SKA3: variants seen among roughly 807,000 people sequenced by gnomAD.
The protein encoded by SKA3 is spindle and kinetochore associated complex subunit 3.
In SKA3, 39 loss-of-function variants were observed where a neutral mutation model predicts 44.2. The ratio of observed to expected loss-of-function variants is 0.88; its 90% confidence interval spans 0.68 to 1.15. The LOEUF (loss-of-function observed/expected upper bound fraction) is 1.15, where lower values mean the gene tolerates loss of function less well. Ranked by LOEUF, SKA3 falls within the 50% of genes most tolerant of loss-of-function variation. SKA3 has a pLI of 0.00. For missense variants in SKA3, 511 were observed against 485.8 expected, an observed-to-expected ratio of 1.05 and a Z score of -0.49; for synonymous variants, 192 against 172.0, an observed-to-expected ratio of 1.12 and a Z score of -0.91.
At chr13:21,169,669 G>C (rs1361513958) in intron 3 of SKA3, among the ~76,000 whole-genome samples, 2 of 152,050 alleles carry the variant, frequency 1.3e-5, no homozygotes, top group East Asian at 3.9e-4. Flanking sequence ...ACCTACAACT[G>C]TCTTGGTAAA....
In SKA3 at chr13:21,155,735, T is replaced by C. The variant is rs1870076758; in HGVS notation, c.1196A>G (p.Lys399Arg). The C allele has an allele frequency of 2.5e-6, 4 of 1,612,412 alleles. No individual in the cohort carries two copies. The highest frequency in any genetic ancestry group is 3.4e-6 in the Non-Finnish European group (4 of 1,178,572). ...GACATCTCGGATGTTCTGTCCATGTTTAAGGAACCTTTTACTGGGTGGCAC... is the reference window on the plus strand; with the variant it reads ...GACATCTCGGATGTTCTGTCCATGTCTAAGGAACCTTTTACTGGGTGGCAC... ...KAVPPSKRFL[K>R]HGQNIRDVSN... Residue 399 changes from lysine (K) to arginine (R), a missense_variant, in exon 8 of 9, where the codon AAA becomes AGA. By Grantham distance (26) the Lys-to-Arg change is conservative. Transcript: ENST00000314759.
intron 4 of SKA3, among the ~76,000 whole-genome samples, chr13:21,164,718 T>TATGTTCCAGTCTTATGTTCCA (rs1870614709): frequency 6.6e-6 from 1 of 152,160 alleles, no homozygotes; most frequent in African/African-American, 2.4e-5. Context: ...TTTTGCCCTT[T>TATGTTCCAGTCTTATGTTCCA]ATATGCTTCA....
rs757013924 is a variant in SKA3, at chr13:21,172,459, C to G, written c.211G>C (p.Glu71Gln). ...GTTGCCTTTATGAAATCAATGCCTT[C>G]TTGATTTTCCAATCTTGCTTTATCA... ...LLDKARLENQEGIDFIKATKV... is the reference protein window; with the variant it reads ...LLDKARLENQQGIDFIKATKV... Residue 71 changes from glutamate to glutamine, a missense_variant, in exon 3 of 9, where the codon GAA becomes CAA. Transcript: ENST00000314759. The G allele has an allele frequency of 3.1e-6, 5 of 1,589,838 alleles. No individual in the cohort carries two copies. Among genetic ancestry groups the G allele is most frequent in the African/African-American group, 2.7e-5 (2 of 73,420 alleles).
At chr13:21,157,424 A>G (rs1870171223) in intron 7 of SKA3, among the ~76,000 whole-genome samples, 1 of 152,246 alleles carries the variant, frequency 6.6e-6, no homozygotes, top group African/African-American at 2.4e-5. Flanking sequence ...TGTCCTGAAT[A>G]GTGCAGGCAC....
chr13:21,165,403 CAG>C (rs1453520958), intron 4 of SKA3, among the ~76,000 whole-genome samples: 15 of 151,886 alleles, frequency 9.9e-5, no homozygotes, highest in South Asian at 6.2e-4. Flanking sequence ...ACCTGGGTGA[CAG>C]ACTAAGAACC....
At chr13:21,175,493 G>A (rs2137389091) in intron 1 of SKA3, among the ~76,000 whole-genome samples, 1 of 150,022 alleles carries the variant, frequency 6.7e-6, no homozygotes, top group East Asian at 2.0e-4. Context: ...AGCCAGAATG[G>A]TCTCGATCTC....
In SKA3 at chr13:21,168,323, A is replaced by G. The variant is rs146268985; in HGVS notation, c.408T>C (p.Asp136=). 264 of 1,613,992 alleles carry G rather than the reference A, an allele frequency of 1.6e-4. No individual in the cohort carries two copies. Among genetic ancestry groups the G allele is most frequent in the Non-Finnish European group, 1.8e-4 (215 of 1,179,952 alleles). ...TTGCAACAGGAGGATCAGACAGATC[A>G]TCTTTCACATCAGTCTTCTGAAAAT... ...CENFQKTDVK[D]DLSDPPVASS... is the part of the protein sequence containing the mutation. The change falls in exon 4 of 9, where the codon GAT becomes GAC. Residue 136 remains aspartate, a synonymous_variant. Transcript: ENST00000314759.
chr13:21,160,242 A>G (rs745323398), intron 5 of SKA3, among the ~76,000 whole-genome samples: 24 of 152,232 alleles, frequency 1.6e-4, no homozygotes, highest in Non-Finnish European at 3.4e-4. Flanking sequence ...CTACAAATAT[A>G]TCTATTAAAA....
intron 1 of SKA3, 132 bp from the exon 2 acceptor site, chr13:21,172,813 T>C (rs1175449758): frequency 8.9e-6 from 5 of 560,000 alleles, no homozygotes; most frequent in African/African-American, 7.8e-5. Context: ...AGTGGTACCA[T>C]AAGATAATAC....
chr13:21,164,804 T>C (rs1373712147), intron 4 of SKA3, among the ~76,000 whole-genome samples: 1 of 152,100 alleles, frequency 6.6e-6, no homozygotes, highest in Admixed American at 6.6e-5. Flanking sequence ...GGTTTCAAAC[T>C]CCTGGGTTCA....
chr13:21,175,198 G>C (rs1389248994), intron 1 of SKA3, among the ~76,000 whole-genome samples: 1 of 151,160 alleles, frequency 6.6e-6, no homozygotes, highest in Admixed American at 6.6e-5. Context: ...GGCTGGTCTT[G>C]AACTCCTGAC....
intron 8 of SKA3, 123 bp downstream of exon 8, chr13:21,155,568 GGC>G: frequency 1.5e-6 from 1 of 666,872 alleles, no homozygotes; most frequent in Non-Finnish European, 2.7e-6. Flanking sequence ...CACCACACCT[GGC>G]TAATTTTTGT....
chr13:21,162,656 C>T (rs1870502350), intron 4 of SKA3, among the ~76,000 whole-genome samples: 1 of 152,126 alleles, frequency 6.6e-6, no homozygotes, highest in South Asian at 2.1e-4. Context: ...GTGTGGATTA[C>T]AGGTGTGAGC....
intron 6 of SKA3, among the ~76,000 whole-genome samples, chr13:21,158,656 C>G (rs569449946): frequency 6.6e-6 from 1 of 152,064 alleles, no homozygotes; most frequent in African/African-American, 2.4e-5. Flanking sequence ...CAAAAAAACG[C>G]TTAATGTCAT....
chr13:21,169,858 G>C (rs565500079), intron 3 of SKA3, among the ~76,000 whole-genome samples: 5 of 152,200 alleles, frequency 3.3e-5, no homozygotes, highest in South Asian at 2.1e-4. Context: ...GGCTGGTCTT[G>C]AACTCCTGGG....
In SKA3 at chr13:21,154,460, G is replaced by A. The variant is rs41289561; in HGVS notation, c.*690C>T. The A allele has an allele frequency of 7.6e-3, 1,158 of 153,120 alleles. 6 individuals are homozygous for A. The highest frequency in any genetic ancestry group is 0.017 in the South Asian group (82 of 4,872). 9.5% of individuals were successfully genotyped at this position (153,120 alleles called of 1,614,324 possible). A position where few individuals can be genotyped will look rare whatever the true frequency, so the allele number is the denominator to read the frequency against. On this transcript the variant is annotated 3_prime_UTR_variant, in exon 9 of 9. Coordinates refer to ENST00000314759, the MANE Select transcript of SKA3 (RefSeq NM_145061.6). Reference sequence around the variant, plus strand: ...GGGTGTCCAAGCTGCAGAGTGGAGCGTGAGAGGTCAGCTGCCATGTGATAG... The same window carrying A: ...GGGTGTCCAAGCTGCAGAGTGGAGCATGAGAGGTCAGCTGCCATGTGATAG...
At chr13:21,164,929 T>C (rs1421814890) in intron 4 of SKA3, among the ~76,000 whole-genome samples, 1 of 152,164 alleles carries the variant, frequency 6.6e-6, no homozygotes. Context: ...CGTTAAGATG[T>C]CTAATCATGT....
intron 5 of SKA3, 29 bp downstream of exon 5, chr13:21,161,761 C>A: frequency 1.7e-6 from 2 of 1,145,416 alleles, no homozygotes; most frequent in South Asian, 1.9e-5. Context: ...AAAAATGTTC[C>A]TGAGAAGTAA....
At chr13:21,164,799 C>T (rs1038342834) in intron 4 of SKA3, among the ~76,000 whole-genome samples, 1 of 151,936 alleles carries the variant, frequency 6.6e-6, no homozygotes, top group Non-Finnish European at 1.5e-5. Context: ...AGGCTGGTTT[C>T]AAACTCCTGG....
Sources: allele counts gnomAD v4.1 joint callset (sites outside exome capture counted in the v4.1 genomes callset), GRCh38; gene constraint gnomAD v4.1.1; transcripts MANE v1.5; gene names NCBI Gene and HGNC (gene_info 2026-07-23, HGNC 2026-07-21).